Variants in ATP8A2 observed in about 807,000 individuals in gnomAD.
The protein encoded by ATP8A2 is phospholipid-transporting ATPase IB.
Under a neutral mutation model 165.6 loss-of-function variants are expected in ATP8A2, and 100 were observed. That is an observed-to-expected ratio of 0.60 (90% CI 0.51 to 0.71). The LOEUF (loss-of-function observed/expected upper bound fraction) is 0.71, where lower values mean the gene tolerates loss of function less well. Among genes scored for constraint, ATP8A2 ranks in the 30% least tolerant of loss-of-function variants. The pLI is 0.00. For missense variants in ATP8A2, 1,227 were observed against 1,479.5 expected, an observed-to-expected ratio of 0.83 and a Z score of 2.80; for synonymous variants, 543 against 548.8, an observed-to-expected ratio of 0.99 and a Z score of 0.15.
intron 1 of ATP8A2, among the ~76,000 whole-genome samples, chr13:25,465,700 TTTCTTTCTTTC>T (rs1355184686): frequency 0.016 from 344 of 20,948 alleles, 8 homozygotes; most frequent in Non-Finnish European, 0.029. Context: ...TCTTTCTTTC[TTTCTTTCTTTC>T]TTTCTTTCTT....
At chr13:25,487,555 G>C (rs56265829) in intron 2 of ATP8A2, among the ~76,000 whole-genome samples, 5 of 152,156 alleles carry the variant, frequency 3.3e-5, no homozygotes, top group African/African-American at 1.2e-4. Flanking sequence ...TGCTGTTGCT[G>C]TAGTTGCATT....
chr13:25,911,483 A>C (rs890985393), intron 33 of ATP8A2, among the ~76,000 whole-genome samples: 1 of 152,196 alleles, frequency 6.6e-6, no homozygotes, highest in African/African-American at 2.4e-5. Flanking sequence ...GAGGGGACTA[A>C]TTTGAGCTTA....
chr13:25,579,531 T>A (rs2039710471), intron 21 of ATP8A2, among the ~76,000 whole-genome samples: 1 of 152,132 alleles, frequency 6.6e-6, no homozygotes, highest in Non-Finnish European at 1.5e-5. Flanking sequence ...TTACTGCACA[T>A]GGATCATGCA....
At chr13:25,795,347 TAAA>T (rs1172560155) in intron 27 of ATP8A2, among the ~76,000 whole-genome samples, 1 of 152,226 alleles carries the variant, frequency 6.6e-6, no homozygotes, top group African/African-American at 2.4e-5. Context: ...AATATTATAG[TAAA>T]TAATAAATCA....
At chr13:25,736,252 G>A (rs1566089985) in intron 25 of ATP8A2, among the ~76,000 whole-genome samples, 1 of 152,164 alleles carries the variant, frequency 6.6e-6, no homozygotes, top group African/African-American at 2.4e-5. Flanking sequence ...CATTCCAAGG[G>A]TGAAAAGATG....
At chr13:25,686,256 G>C (rs73171939) in intron 24 of ATP8A2, among the ~76,000 whole-genome samples, 18,340 of 152,182 alleles carry the variant, frequency 0.12, 1,223 homozygotes, top group East Asian at 0.26. Context: ...TTGGAAATCA[G>C]AGAGAATAGG....
intron 25 of ATP8A2, among the ~76,000 whole-genome samples, chr13:25,738,345 C>CCT (rs1555258503): frequency 9.5e-5 from 12 of 126,794 alleles, no homozygotes; most frequent in South Asian, 8.4e-4. Context: ...CCCCCTCCCC[C>CCT]CCCCCCACAC....
rs193297857 is a variant in ATP8A2, at chr13:25,455,185, C to T, written c.77-13792C>T. Among the ~76,000 whole-genome samples, 431 of 152,318 alleles carry T rather than the reference C, an allele frequency of 2.8e-3. 1 individual carries two copies. Among genetic ancestry groups the T allele is most frequent in the Admixed American group, 4.0e-3 (61 of 15,294 alleles). On this transcript the variant is annotated intron_variant, in intron 1 of 36. Transcript: ENST00000381655. ...AATGTCTCCTGATACAGGGGTGTGGCCCAGCCTCTGACTGTCAGCACAGAA... is the reference window on the plus strand; with the variant it reads ...AATGTCTCCTGATACAGGGGTGTGGTCCAGCCTCTGACTGTCAGCACAGAA...
intron 24 of ATP8A2, among the ~76,000 whole-genome samples, chr13:25,649,656 C>T (rs1308683469): frequency 2.6e-5 from 4 of 152,026 alleles, no homozygotes; most frequent in South Asian, 2.1e-4. Flanking sequence ...GAGGTCACAC[C>T]AGGTGTTGTT....
intron 25 of ATP8A2, among the ~76,000 whole-genome samples, chr13:25,756,924 G>A (rs867463104): frequency 2.6e-5 from 4 of 152,158 alleles, no homozygotes; most frequent in Non-Finnish European, 5.9e-5. Flanking sequence ...CCAGGGAGGG[G>A]GTCTGTCTGG....
chr13:25,613,010 A>C (rs2040728122), intron 24 of ATP8A2, among the ~76,000 whole-genome samples: 1 of 152,064 alleles, frequency 6.6e-6, no homozygotes, highest in African/African-American at 2.4e-5. Flanking sequence ...AGTTCATGTG[A>C]GTCCTTGCAT....
At chr13:25,747,667 A>G (rs2044064153) in intron 25 of ATP8A2, among the ~76,000 whole-genome samples, 1 of 152,132 alleles carries the variant, frequency 6.6e-6, no homozygotes, top group Admixed American at 6.5e-5. Context: ...TGTTTAGGGA[A>G]GAATTTCAGG....
chr13:25,988,628 A>G (rs879306334), intron 35 of ATP8A2, among the ~76,000 whole-genome samples: 3 of 152,186 alleles, frequency 2.0e-5, no homozygotes, highest in Non-Finnish European at 4.4e-5. Flanking sequence ...CTAGATTCCA[A>G]AGTGCCCAGG....
rs726177 is a variant in ATP8A2, at chr13:25,376,277, T to C, written c.76+3989T>C. On this transcript the variant is annotated intron_variant, in intron 1 of 36. Coordinates refer to ENST00000381655, the MANE Select transcript of ATP8A2 (RefSeq NM_016529.6). ...TTGATTCTATATGGTTTTCTCTTCC[T>C]TGATAAGAAATAAAGATAATAATCT... Among the ~76,000 whole-genome samples the C allele has an allele frequency of 7.2e-3, 1,095 of 152,370 alleles. 33 individuals are homozygous for C. The East Asian group carries it at 0.1, about 14-fold the overall frequency.
In ATP8A2 at chr13:25,890,314, G is replaced by C. The variant is rs11841398; in HGVS notation, c.3183+27906G>C. Among the ~76,000 whole-genome samples the C allele has an allele frequency of 2.9e-3, 447 of 152,264 alleles. 3 individuals carry two copies. Among genetic ancestry groups the C allele is most frequent in the African/African-American group, 9.9e-3 (413 of 41,538 alleles). ...AACAACTCAGTTTCCTTTGAAAGTG[G>C]AGACAGATCTTTTTCATCTTTTGTA... is the stretch of plus-strand genomic sequence containing the variant. On this transcript the variant is annotated intron_variant, in intron 33 of 36. Coordinates refer to ENST00000381655, the MANE Select transcript of ATP8A2 (RefSeq NM_016529.6).
intron 33 of ATP8A2, among the ~76,000 whole-genome samples, chr13:25,939,206 C>T (rs1954999522): frequency 6.6e-6 from 1 of 152,132 alleles, no homozygotes; most frequent in Admixed American, 6.5e-5. Flanking sequence ...CTCCTTTTAC[C>T]CCCATTTTTT....
intron 33 of ATP8A2, among the ~76,000 whole-genome samples, chr13:25,907,104 C>T (rs1393348841): frequency 6.6e-6 from 1 of 152,168 alleles, no homozygotes; most frequent in African/African-American, 2.4e-5. Flanking sequence ...GTAGTGCACA[C>T]CTGTAGTCCC....
chr13:25,411,010 G>A (rs988998593), intron 1 of ATP8A2, among the ~76,000 whole-genome samples: 7 of 152,102 alleles, frequency 4.6e-5, no homozygotes, highest in Admixed American at 1.3e-4. Flanking sequence ...CCTACTGACT[G>A]TACTCCAGGA....
At chr13:25,938,834 C>A (rs543480493) in intron 33 of ATP8A2, among the ~76,000 whole-genome samples, 1 of 151,730 alleles carries the variant, frequency 6.6e-6, no homozygotes, top group East Asian at 1.9e-4. Flanking sequence ...TTTCCATCAT[C>A]CCTTCTCCTT....
Sources: gnomAD v4.1 joint callset for allele counts (sites outside exome capture counted in the v4.1 genomes callset) on GRCh38, gnomAD v4.1.1 for gene constraint, MANE v1.5 for transcripts, NCBI Gene and HGNC (gene_info 2026-07-23, HGNC 2026-07-21) for gene names.